Variants in ARHGAP44 observed in about 807,000 individuals in gnomAD.
ARHGAP44 encodes the protein Rho GTPase activating protein 44, also known as rho GTPase-activating protein 44.
In ARHGAP44, 43 loss-of-function variants were observed where a neutral mutation model predicts 106.8. The observed-to-expected ratio is 0.40, with a 90% CI of 0.32 to 0.52. The LOEUF (loss-of-function observed/expected upper bound fraction) is 0.52. ARHGAP44 is among the 20% of genes least tolerant of loss of function. The pLI, the probability that ARHGAP44 is intolerant of heterozygous loss-of-function variation, is 0.48. For synonymous variants in ARHGAP44, 439 were observed against 410.3 expected, an observed-to-expected ratio of 1.07 and a Z score of -0.85; for missense variants, 866 against 1,050.5, an observed-to-expected ratio of 0.82 and a Z score of 2.43.
At chr17:12,797,736 G>A (rs1474841029) in intron 1 of ARHGAP44, among the ~76,000 whole-genome samples, 1 of 152,150 alleles carries the variant, frequency 6.6e-6, no homozygotes, top group Non-Finnish European at 1.5e-5. Flanking sequence ...GTGCTCATTT[G>A]TTTATTGTCT....
intron 1 of ARHGAP44, among the ~76,000 whole-genome samples, chr17:12,869,473 A>G (rs2150879825): frequency 6.6e-6 from 1 of 152,232 alleles, no homozygotes; most frequent in Non-Finnish European, 1.5e-5. Flanking sequence ...AATACATACA[A>G]CATAATAAAA....
chr17:12,864,480 ATTC>A (rs1597963363), intron 1 of ARHGAP44, among the ~76,000 whole-genome samples: 2 of 152,062 alleles, frequency 1.3e-5, no homozygotes, highest in East Asian at 3.9e-4. Context: ...TGCATCTAGT[ATTC>A]TTCCAGTGCC....
intron 1 of ARHGAP44, among the ~76,000 whole-genome samples, chr17:12,888,850 C>G (rs1243164442): frequency 6.6e-6 from 1 of 151,962 alleles, no homozygotes; most frequent in East Asian, 1.9e-4. Context: ...TCCCCTTTAT[C>G]TCTGGTAATT....
chr17:12,821,619 C>T (rs1171216290), intron 1 of ARHGAP44, among the ~76,000 whole-genome samples: 1 of 152,148 alleles, frequency 6.6e-6, no homozygotes, highest in Non-Finnish European at 1.5e-5. Context: ...AGTGCCTGAG[C>T]ATTAATCTCA....
At chr17:12,950,175 A>G (rs751426374) in intron 12 of ARHGAP44, among the ~76,000 whole-genome samples, 3 of 152,368 alleles carry the variant, frequency 2.0e-5, no homozygotes, top group African/African-American at 7.2e-5. Flanking sequence ...GTGTAAGTGT[A>G]TAAAAGAAAG....
intron 1 of ARHGAP44, among the ~76,000 whole-genome samples, chr17:12,891,766 A>G (rs1185136819): frequency 6.7e-6 from 1 of 148,230 alleles, no homozygotes; most frequent in Non-Finnish European, 1.5e-5. Flanking sequence ...CATCCTTGGT[A>G]TTTCAAGTTT....
intron 1 of ARHGAP44, among the ~76,000 whole-genome samples, chr17:12,879,528 A>G (rs535174675): frequency 6.6e-6 from 1 of 152,072 alleles, no homozygotes; most frequent in African/African-American, 2.4e-5. Context: ...CATGTAGTTG[A>G]TGTATGAGTA....
chr17:12,831,402 A>G (rs1285494058), intron 1 of ARHGAP44, among the ~76,000 whole-genome samples: 1 of 152,242 alleles, frequency 6.6e-6, no homozygotes, highest in Non-Finnish European at 1.5e-5. Flanking sequence ...AATGGGTAAC[A>G]TACTATGGCA....
chr17:12,907,687 A>G (rs2108540), intron 3 of ARHGAP44, among the ~76,000 whole-genome samples: 74,033 of 152,036 alleles, frequency 0.49, 19,125 homozygotes, highest in Non-Finnish European at 0.57. Flanking sequence ...CATTTTATGG[A>G]TATACCACAT....
Position 12,894,241 on chromosome 17 carries a change from A to AGTGTGT in ARHGAP44, c.54-685_54-680dup, listed in dbSNP as rs60415791. On this transcript the variant is annotated intron_variant, in intron 1 of 20. Transcript: ENST00000379672. ...GTGTGTGTGTGTGAGAGAGAGAGAG[A>AGTGTGT]GTGTGTGTGTGTGTGTGTGCACGTG... Among the ~76,000 whole-genome samples the AGTGTGT allele has an allele frequency of 5.9e-3, 880 of 148,064 alleles. 9 individuals are homozygous for AGTGTGT. The highest frequency in any genetic ancestry group is 0.021 in the African/African-American group (852 of 40,046).
chr17:12,820,419 A>G (rs1323507179), intron 1 of ARHGAP44, among the ~76,000 whole-genome samples: 1 of 152,180 alleles, frequency 6.6e-6, no homozygotes, highest in African/African-American at 2.4e-5. Flanking sequence ...AAAAATTACC[A>G]GTTATGATAG....
intron 7 of ARHGAP44, among the ~76,000 whole-genome samples, chr17:12,939,339 C>T (rs2150978733): frequency 6.6e-6 from 1 of 152,224 alleles, no homozygotes; most frequent in South Asian, 2.1e-4. Context: ...AGATAAGATC[C>T]TTGAACTCTT....
intron 1 of ARHGAP44, among the ~76,000 whole-genome samples, chr17:12,894,267 C>A (rs529106211): frequency 6.7e-6 from 1 of 148,594 alleles, no homozygotes; most frequent in Non-Finnish European, 1.5e-5. Flanking sequence ...TGTGCACGTG[C>A]GTGCGTGTTG....
chr17:12,968,143 T>C (rs1191590541), intron 16 of ARHGAP44, among the ~76,000 whole-genome samples: 2 of 152,226 alleles, frequency 1.3e-5, no homozygotes, highest in Non-Finnish European at 2.9e-5. Context: ...CCTCATGTTT[T>C]TAAGGGGGCA....
chr17:12,876,474 T>C (rs1406295175), intron 1 of ARHGAP44, among the ~76,000 whole-genome samples: 1 of 152,010 alleles, frequency 6.6e-6, no homozygotes, highest in East Asian at 1.9e-4. Context: ...TGCGTACACA[T>C]TAAAATAGTG....
rs567861393 is a variant in ARHGAP44 at position 12,883,538 on chromosome 17, T to C, written c.54-11402T>C. Reference sequence around the variant, plus strand: ...AATATCATTTTGCTACCGAACAAATTTGATATACAGTATTTTCATTGTCTT... The same window carrying C: ...AATATCATTTTGCTACCGAACAAATCTGATATACAGTATTTTCATTGTCTT... On this transcript the variant is annotated intron_variant, in intron 1 of 20. Transcript: ENST00000379672. 6.6e-5 allele frequency among the ~76,000 whole-genome samples: 10 copies of C among 150,402 alleles called. No homozygotes were observed. The East Asian group carries it at 2.0e-3, about 30-fold the overall frequency.
chr17:12,914,314 C>T (rs1389639772), intron 4 of ARHGAP44, among the ~76,000 whole-genome samples: 1 of 152,204 alleles, frequency 6.6e-6, no homozygotes, highest in Non-Finnish European at 1.5e-5. Flanking sequence ...TGGGAACTCC[C>T]ATTTGTGCTA....
chr17:12,816,713 A>G (rs1030524198), intron 1 of ARHGAP44, among the ~76,000 whole-genome samples: 1 of 152,192 alleles, frequency 6.6e-6, no homozygotes, highest in Non-Finnish European at 1.5e-5. Flanking sequence ...AAGACAAAAT[A>G]ATTCTACGTG....
chr17:12,990,219 A>G lies in ARHGAP44; in HGVS notation c.*48A>G, dbSNP rs780987025. 6.3e-7 allele frequency: 1 copy of G among 1,575,320 alleles called. No homozygotes were observed. Among genetic ancestry groups the G allele is most frequent in the East Asian group, 2.3e-5 (1 of 43,138 alleles). ...CGCGTGTACATACATCACGGGCCCT[A>G]GGAACGCCGCCAGGAGCAGCGTCCA... On this transcript the variant is annotated 3_prime_UTR_variant, in exon 21 of 21. Transcript: ENST00000379672.
Sources: allele counts gnomAD v4.1 joint callset (sites outside exome capture counted in the v4.1 genomes callset), GRCh38; gene constraint gnomAD v4.1.1; transcripts MANE v1.5; gene names NCBI Gene and HGNC (gene_info 2026-07-23, HGNC 2026-07-21).